Variants in SKIL observed in about 807,000 individuals in gnomAD.
SKIL encodes the protein SKI like proto-oncogene, also known as ski-like protein.
A neutral mutation model predicts 69.6 loss-of-function variants in SKIL; 20 were observed. That is an observed-to-expected ratio of 0.29 (90% CI 0.20 to 0.42). SKIL has a LOEUF of 0.42. SKIL is among the 10% of genes least tolerant of loss of function. The pLI, the probability that SKIL is intolerant of heterozygous loss-of-function variation, is 1.00. For synonymous variants in SKIL, 310 were observed against 279.9 expected (o/e 1.11, Z -1.08); for missense variants, 745 against 783.1 (o/e 0.95, Z 0.58).
rs1738131520 is a variant in SKIL at position 170,395,195 on chromosome 3, G to T, written c.*2778G>T. 1 of 152,060 alleles carries T rather than the reference G, an allele frequency of 6.6e-6. No homozygotes were observed. The highest frequency in any genetic ancestry group is 1.5e-5 in the Non-Finnish European group (1 of 67,966). 9.4% of individuals were successfully genotyped at this position (152,060 alleles called of 1,614,324 possible). On this transcript the variant is annotated 3_prime_UTR_variant, in exon 7 of 7. Coordinates refer to ENST00000259119, the MANE Select transcript of SKIL (RefSeq NM_005414.5). ...AGAAAAGTGTACCTACTCTATAAAGGTAATAAATGTAAAACCTCTTGCTGT... is the reference window on the plus strand; with the variant it reads ...AGAAAAGTGTACCTACTCTATAAAGTTAATAAATGTAAAACCTCTTGCTGT...
intron 2 of SKIL, among the ~76,000 whole-genome samples, chr3:170,370,795 A>G (rs1480276944): frequency 2.6e-5 from 4 of 152,122 alleles, no homozygotes; most frequent in Non-Finnish European, 4.4e-5. Context: ...GAAAAAAACA[A>G]TTAGCTGGGC....
At chr3:170,381,741 A>C (rs762033237) in intron 3 of SKIL, among the ~76,000 whole-genome samples, 24 of 151,598 alleles carry the variant, frequency 1.6e-4, no homozygotes, top group Non-Finnish European at 3.1e-4. Context: ...CCACGAATTT[A>C]TTTCTTTATT....
chr3:170,396,320 A>G lies in SKIL; in HGVS notation c.*3903A>G, dbSNP rs1183990260. On this transcript the variant is annotated 3_prime_UTR_variant, in exon 7 of 7. Coordinates refer to ENST00000259119, the MANE Select transcript of SKIL (RefSeq NM_005414.5). ...GTCCTAGAAAACAGTTGCTAAATGT[A>G]GGACATCTTTTGAGGAATTAGTTTA... 3 of 152,206 alleles carry G rather than the reference A, an allele frequency of 2.0e-5. No homozygotes were observed. Among genetic ancestry groups the G allele is most frequent in the Admixed American group, 1.3e-4 (2 of 15,278 alleles). The allele number at this position is 152,206 out of a possible 1,614,324, so 9.4% of individuals were successfully genotyped here.
chr3:170,381,881 A>G (rs1737372501), intron 3 of SKIL, among the ~76,000 whole-genome samples: 1 of 151,880 alleles, frequency 6.6e-6, no homozygotes, highest in Non-Finnish European at 1.5e-5. Flanking sequence ...GGAGATCGAG[A>G]CCATCCTGGC....
At chr3:170,389,459 G>T in intron 4 of SKIL, among the ~76,000 whole-genome samples, 1 of 151,686 alleles carries the variant, frequency 6.6e-6, no homozygotes, top group East Asian at 1.9e-4. Flanking sequence ...GACTACAGGC[G>T]CCCGCCACCA....
Position 170,392,389 on chromosome 3 carries a change from T to G in SKIL, c.2027T>G (p.Leu676Arg). 2 of 1,611,580 alleles carry G rather than the reference T, an allele frequency of 1.2e-6. No individual in the cohort carries two copies. The highest frequency in any genetic ancestry group is 1.7e-6 in the Non-Finnish European group (2 of 1,178,184). The change falls in exon 7 of 7, where the codon CTG becomes CGG. Residue 676 changes from leucine to arginine, a missense_variant. Leu to Arg is a moderately radical substitution (Grantham distance 102). Coordinates refer to ENST00000259119, the MANE Select transcript of SKIL (RefSeq NM_005414.5). ...ATAAAAGAGCTAAAGCTGCAAATTC[T>G]GAAATCATCAAAGACTGCTAAAGAA... Reference protein sequence around the residue: ...MMIKELKLQILKSSKTAKE With the variant: ...MMIKELKLQIRKSSKTAKE
chr3:170,385,483 G>C (rs952406079), intron 4 of SKIL, among the ~76,000 whole-genome samples: 5 of 152,076 alleles, frequency 3.3e-5, no homozygotes, highest in African/African-American at 1.2e-4. Flanking sequence ...TAGAACTCAA[G>C]GAAGCTTAGT....
At chr3:170,380,628 G>A (rs1737288583) in intron 2 of SKIL, among the ~76,000 whole-genome samples, 1 of 151,538 alleles carries the variant, frequency 6.6e-6, no homozygotes, top group Non-Finnish European at 1.5e-5. Context: ...GGGTGACAGA[G>A]CGAGACTCCA....
chr3:170,370,843 G>A (rs563787270), intron 2 of SKIL, among the ~76,000 whole-genome samples: 3 of 152,198 alleles, frequency 2.0e-5, no homozygotes, highest in South Asian at 4.1e-4. Flanking sequence ...TACTTGTGGG[G>A]CTGAGATGGG....
At chr3:170,374,819 C>T (rs1032108069) in intron 2 of SKIL, among the ~76,000 whole-genome samples, 4 of 152,244 alleles carry the variant, frequency 2.6e-5, no homozygotes, top group African/African-American at 9.6e-5. Flanking sequence ...GTGCGTGTCC[C>T]CATCATTTGT....
At chr3:170,367,343 G>A (rs114786098) in intron 2 of SKIL, among the ~76,000 whole-genome samples, 5 of 151,852 alleles carry the variant, frequency 3.3e-5, no homozygotes, top group African/African-American at 1.2e-4. Flanking sequence ...ATCTCCTGAC[G>A]TCGTCATCCT....
Position 170,360,915 on chromosome 3 carries a change from C to T in SKIL, c.584C>T (p.Ser195Leu). The T allele has an allele frequency of 1.2e-6, 2 of 1,614,152 alleles. No individual in the cohort carries two copies. Among genetic ancestry groups the T allele is most frequent in the Non-Finnish European group, 1.7e-6 (2 of 1,180,014 alleles). The change falls in exon 2 of 7, where the codon TCA becomes TTA. Residue 195 changes from serine (S) to leucine (L), a missense_variant. Ser to Leu is a moderately radical substitution (Grantham distance 145). Transcript: ENST00000259119. ...TVCDELYIYCSRCTSDQLHIL... is the reference protein window; with the variant it reads ...TVCDELYIYCLRCTSDQLHIL... The stretch of plus-strand genomic sequence containing the variant: ...TGTGATGAACTGTACATATATTGTT[C>T]AAGGTGTACTTCAGACCAGCTTCAT...
Position 170,390,457 on chromosome 3 carries a change from T to C in SKIL, c.1664T>C (p.Leu555Pro), listed in dbSNP as rs1263051452. The C allele has an allele frequency of 6.2e-7, 1 of 1,608,154 alleles. No individual in the cohort carries two copies. The highest frequency in any genetic ancestry group is 8.5e-7 in the Non-Finnish European group (1 of 1,175,048). Residue 555 changes from leucine to proline, a missense_variant, in exon 5 of 7, where the codon CTT becomes CCT. Physicochemically the swap from Leu to Pro is moderately conservative, Grantham distance 98. Coordinates refer to ENST00000259119, the MANE Select transcript of SKIL (RefSeq NM_005414.5). ...LNLILQKKQQ[L>P]QMEVKMLSSS... is the part of the protein sequence containing the mutation. Reference sequence around the variant, plus strand: ...TTGATTTTGCAAAAGAAGCAACAACTTCAGATGGTAAAATTGTTATCTAAA... The same window carrying C: ...TTGATTTTGCAAAAGAAGCAACAACCTCAGATGGTAAAATTGTTATCTAAA...
chr3:170,366,073 T>TA (rs1007849040), intron 2 of SKIL, among the ~76,000 whole-genome samples: 4 of 150,118 alleles, frequency 2.7e-5, no homozygotes, highest in African/African-American at 9.8e-5. Flanking sequence ...TTTTTTTTTT[T>TA]AAGACTGTAC....
intron 2 of SKIL, among the ~76,000 whole-genome samples, chr3:170,378,553 C>CTCTTTTTTTT (rs1553853891): frequency 5.9e-5 from 7 of 118,996 alleles, no homozygotes; most frequent in Non-Finnish European, 1.2e-4. Flanking sequence ...CTCTCTCTCT[C>CTCTTTTTTTT]TTTTTTTTTT....
Position 170,392,826 on chromosome 3 carries a change from G to GAGCT in SKIL, c.*411_*414dup, listed in dbSNP as rs1432872531. ...GGTGGCTTTATATTTTAAGTATATAGAGCTACTCAAGGAGTTGAATCTCCC... is the reference window on the plus strand; with the variant it reads ...GGTGGCTTTATATTTTAAGTATATAGAGCTAGCTACTCAAGGAGTTGAATCTCCC... On this transcript the variant is annotated 3_prime_UTR_variant, in exon 7 of 7. Transcript: ENST00000259119. 6.5e-6 allele frequency: 1 copy of GAGCT among 152,986 alleles called. No individual in the cohort carries two copies. Among genetic ancestry groups the GAGCT allele is most frequent in the African/African-American group, 2.4e-5 (1 of 41,428 alleles). 9.5% of individuals were successfully genotyped at this position (152,986 alleles called of 1,614,324 possible). A position where few individuals can be genotyped will look rare whatever the true frequency, so the allele number is the denominator to read the frequency against.
At position 170,391,066 on chromosome 3, in the gene SKIL, A is replaced by G. The variant is rs756931214; in HGVS notation, c.1702A>G (p.Met568Val). The change falls in exon 6 of 7, where the codon ATG becomes GTG. Residue 568 changes from methionine (M) to valine (V), a missense_variant. Transcript: ENST00000259119. ...EVKMLSSSKSMKELTEEQQNL... is the reference protein window; with the variant it reads ...EVKMLSSSKSVKELTEEQQNL... ...AAAAATGTTGAGTAGTTCAAAATCT[A>G]TGAAGGAACTCACTGAAGAACAGCA... 5 of 1,594,542 alleles carry G rather than the reference A, an allele frequency of 3.1e-6. No homozygotes were observed. The highest frequency in any genetic ancestry group is 1.1e-5 in the South Asian group (1 of 90,042).
chr3:170,375,569 A>G (rs6444921), intron 2 of SKIL, among the ~76,000 whole-genome samples: 3,212 of 152,186 alleles, frequency 0.021, 104 homozygotes, highest in African/African-American at 0.074. Context: ...TAGTAATTTT[A>G]TATTTTTTTC....
At chr3:170,370,015 G>A (rs966465352) in intron 2 of SKIL, among the ~76,000 whole-genome samples, 9 of 151,826 alleles carry the variant, frequency 5.9e-5, no homozygotes, top group African/African-American at 1.7e-4. Context: ...TGAGACGGGC[G>A]GATCATGAGG....
Sources: gnomAD v4.1 joint callset for allele counts (sites outside exome capture counted in the v4.1 genomes callset) on GRCh38, gnomAD v4.1.1 for gene constraint, MANE v1.5 for transcripts, NCBI Gene and HGNC (gene_info 2026-07-23, HGNC 2026-07-21) for gene names.